The following UGGT2 variants were observed in gnomAD, a reference collection of about 807,000 sequenced individuals.
UGGT2 encodes the protein UDP-glucose glycoprotein glucosyltransferase 2.
Under a neutral mutation model 192.1 loss-of-function variants are expected in UGGT2, and 180 were observed. The observed-to-expected ratio is 0.94, with a 90% CI of 0.83 to 1.06. The LOEUF (loss-of-function observed/expected upper bound fraction) is 1.06. Ranked by LOEUF, UGGT2 falls within the 50% of genes least tolerant of loss-of-function variation. UGGT2 has a pLI of 0.00. For synonymous variants in UGGT2, 580 were observed against 591.0 expected (o/e 0.98, Z 0.27); for missense variants, 1,849 against 1,795.7 (o/e 1.03, Z -0.54).
At chr13:95,964,924 G>C (rs930167723) in intron 12 of UGGT2, among the ~76,000 whole-genome samples, 1 of 152,226 alleles carries the variant, frequency 6.6e-6, no homozygotes, top group South Asian at 2.1e-4. Flanking sequence ...TCAAAAAGTG[G>C]GTGAAGGACA....
intron 37 of UGGT2, among the ~76,000 whole-genome samples, chr13:95,836,157 TC>T (rs1457635758): frequency 2.0e-5 from 3 of 152,174 alleles, no homozygotes; most frequent in Non-Finnish European, 4.4e-5. Flanking sequence ...CAAGCAATTC[TC>T]CTGCCTCAGC....
intron 1 of UGGT2, among the ~76,000 whole-genome samples, chr13:96,048,003 A>C (rs2053369364): frequency 6.6e-6 from 1 of 152,150 alleles, no homozygotes; most frequent in African/African-American, 2.4e-5. Flanking sequence ...ACATCTACAG[A>C]ACTCTCCACC....
chr13:95,983,756 C>T (rs2051202153), intron 10 of UGGT2, 48 bp downstream of exon 10: 1 of 1,319,586 alleles, frequency 7.6e-7, no homozygotes, highest in East Asian at 2.4e-5. Context: ...AAGTCAGAAA[C>T]AGTGATATTA....
At chr13:95,914,594 G>T (rs2048618172) in intron 20 of UGGT2, among the ~76,000 whole-genome samples, 1 of 122,996 alleles carries the variant, frequency 8.1e-6, no homozygotes. Context: ...GGCCATTATG[G>T]TGAAACTCCA....
At chr13:95,857,596 T>C (rs1007291312) in intron 33 of UGGT2, among the ~76,000 whole-genome samples, 3 of 152,160 alleles carry the variant, frequency 2.0e-5, no homozygotes, top group Non-Finnish European at 4.4e-5. Context: ...GCTAGCGGCT[T>C]CTGTATCTGG....
intron 20 of UGGT2, among the ~76,000 whole-genome samples, chr13:95,907,212 G>A (rs763706706): frequency 2.0e-5 from 3 of 152,222 alleles, no homozygotes; most frequent in African/African-American, 4.8e-5. Context: ...GGGGAGGGGC[G>A]TCCACCATTG....
chr13:95,803,080 C>T (rs1292734581), intron 38 of UGGT2, among the ~76,000 whole-genome samples: 6 of 152,094 alleles, frequency 3.9e-5, no homozygotes, highest in East Asian at 1.9e-4. Flanking sequence ...GTGATCCGCC[C>T]GTCTTGGCCT....
intron 21 of UGGT2, among the ~76,000 whole-genome samples, chr13:95,901,773 G>A (rs1190188658): frequency 6.6e-6 from 1 of 152,032 alleles, no homozygotes; most frequent in Non-Finnish European, 1.5e-5. Context: ...AGTGGCTGTG[G>A]TGTTGGACCA....
intron 36 of UGGT2, among the ~76,000 whole-genome samples, chr13:95,840,236 A>G (rs1887719143): frequency 6.6e-6 from 1 of 152,186 alleles, no homozygotes; most frequent in Non-Finnish European, 1.5e-5. Flanking sequence ...AACAAAATAA[A>G]CTATCATCAG....
chr13:96,016,164 T>A (rs955174244), intron 4 of UGGT2, among the ~76,000 whole-genome samples: 1 of 152,112 alleles, frequency 6.6e-6, no homozygotes, highest in Non-Finnish European at 1.5e-5. Flanking sequence ...TGGCTTTAAG[T>A]TGGAATTCAT....
At chr13:95,965,422 T>G (rs913014208) in intron 12 of UGGT2, among the ~76,000 whole-genome samples, 2 of 151,888 alleles carry the variant, frequency 1.3e-5, no homozygotes, top group African/African-American at 4.8e-5. Flanking sequence ...TAAAAAATGA[T>G]GAGTTCATGT....
chr13:96,049,941 G>A (rs1235728531), intron 1 of UGGT2, among the ~76,000 whole-genome samples: 1 of 152,184 alleles, frequency 6.6e-6, no homozygotes, highest in Non-Finnish European at 1.5e-5. Flanking sequence ...TCCCCATCAA[G>A]CTACCAATGA....
intron 17 of UGGT2, among the ~76,000 whole-genome samples, chr13:95,928,458 G>C (rs2049118294): frequency 6.6e-6 from 1 of 151,862 alleles, no homozygotes; most frequent in Admixed American, 6.6e-5. Context: ...GCTGGGCGGA[G>C]GGGCTCCTCA....
chr13:95,836,969 A>G (rs974102582), intron 37 of UGGT2, 117 bp downstream of exon 37: 10 of 863,040 alleles, frequency 1.2e-5, no homozygotes, highest in Non-Finnish European at 3.7e-6. Flanking sequence ...TAATAGACTG[A>G]ACAGCAGAAG....
chr13:95,961,457 T>A (rs1001284206), intron 12 of UGGT2, among the ~76,000 whole-genome samples: 2 of 152,154 alleles, frequency 1.3e-5, no homozygotes, highest in Non-Finnish European at 2.9e-5. Flanking sequence ...ATAGCTATAC[T>A]TTTATCAGAT....
chr13:95,971,020 G>A (rs1007299938), intron 11 of UGGT2, among the ~76,000 whole-genome samples: 3 of 152,130 alleles, frequency 2.0e-5, no homozygotes, highest in Non-Finnish European at 4.4e-5. Flanking sequence ...TGAGATGTAG[G>A]CCTTTATAGA....
intron 5 of UGGT2, among the ~76,000 whole-genome samples, chr13:96,001,300 TTCCTGGCTCA>T (rs1049083370): frequency 2.2e-4 from 33 of 152,280 alleles, no homozygotes; most frequent in African/African-American, 7.7e-4. Flanking sequence ...GAAAGTCCTT[TTCCTGGCTCA>T]TCCTGGCTCA....
At chr13:95,899,297 A>C (rs2048035697) in intron 22 of UGGT2, among the ~76,000 whole-genome samples, 1 of 152,174 alleles carries the variant, frequency 6.6e-6, no homozygotes, top group Admixed American at 6.5e-5. Context: ...GCATAAACAT[A>C]CTTAAGATAG....
intron 29 of UGGT2, among the ~76,000 whole-genome samples, chr13:95,868,930 A>G (rs1016718229): frequency 6.6e-6 from 1 of 151,862 alleles, no homozygotes. Flanking sequence ...ACATGTGCAC[A>G]ATGTGCAGGT....
Sources: allele counts gnomAD v4.1 joint callset (sites outside exome capture counted in the v4.1 genomes callset), GRCh38; gene constraint gnomAD v4.1.1; transcripts MANE v1.5; gene names NCBI Gene and HGNC (gene_info 2026-07-23, HGNC 2026-07-21).